The following NEK7 variants were observed in gnomAD, a reference collection of about 807,000 sequenced individuals.
The protein encoded by NEK7 is NIMA related kinase 7.
A neutral mutation model predicts 44.6 loss-of-function variants in NEK7; 18 were observed. That is an observed-to-expected ratio of 0.40 (90% CI 0.28 to 0.60). The LOEUF is 0.60. NEK7 is among the 20% of genes least tolerant of loss of function. The pLI, the probability that NEK7 is intolerant of heterozygous loss-of-function variation, is 0.38. For synonymous variants in NEK7, 130 were observed against 121.1 expected, an observed-to-expected ratio of 1.07 and a Z score of -0.48; for missense variants, 256 against 366.5, an observed-to-expected ratio of 0.70 and a Z score of 2.46.
At chr1:198,218,927 T>C (rs534299851) in intron 1 of NEK7, among the ~76,000 whole-genome samples, 119 of 152,030 alleles carry the variant, frequency 7.8e-4, no homozygotes, top group Non-Finnish European at 1.5e-3. Context: ...GGCATGGATA[T>C]GGTGAAAAAG....
At chr1:198,281,328 G>A (rs541242462) in intron 7 of NEK7, among the ~76,000 whole-genome samples, 54 of 152,136 alleles carry the variant, frequency 3.5e-4, no homozygotes, top group African/African-American at 1.2e-3. Context: ...AATTGAAAAC[G>A]TGGTGACCTA....
At chr1:198,159,302 AAAGGAAGG>A (rs575843937) in intron 1 of NEK7, among the ~76,000 whole-genome samples, 22 of 152,006 alleles carry the variant, frequency 1.4e-4, no homozygotes, top group African/African-American at 4.8e-4. Context: ...AGAAAGAAAG[AAAGGAAGG>A]AAGGAAGGAA....
chr1:198,256,199 T>C, intron 3 of NEK7: 1 of 1,108,596 alleles, frequency 9.0e-7, no homozygotes, highest in Non-Finnish European at 1.2e-6. Flanking sequence ...TACAAATTTT[T>C]AATGAGATAC....
intron 3 of NEK7, chr1:198,256,319 T>G (rs753113327): frequency 1.9e-6 from 3 of 1,598,618 alleles, no homozygotes; most frequent in Non-Finnish European, 2.6e-6. Context: ...TCTGGCCATT[T>G]TCCTGCAGGT....
intron 1 of NEK7, among the ~76,000 whole-genome samples, chr1:198,162,084 C>G (rs1266269884): frequency 6.6e-6 from 1 of 152,084 alleles, no homozygotes; most frequent in African/African-American, 2.4e-5. Flanking sequence ...TATGTTTGGC[C>G]TGGGGTAGAG....
intron 2 of NEK7, among the ~76,000 whole-genome samples, chr1:198,246,555 C>T (rs575014999): frequency 2.6e-5 from 4 of 152,376 alleles, no homozygotes; most frequent in Middle Eastern, 3.4e-3. Context: ...GCCACTCTGG[C>T]GGCCAAGCAC....
chr1:198,302,445 A>G (rs58783316), intron 9 of NEK7, among the ~76,000 whole-genome samples: 5,230 of 150,798 alleles, frequency 0.035, 172 homozygotes, highest in East Asian at 0.19. Context: ...GTGCAGCCTG[A>G]TAATATCTTT....
intron 3 of NEK7, chr1:198,256,529 G>A (rs763435687): frequency 3.3e-6 from 5 of 1,501,978 alleles, no homozygotes; most frequent in Non-Finnish European, 4.4e-6. Flanking sequence ...GAAATTCTCT[G>A]TACCAACTTT....
rs375499649 is a variant in NEK7, at chr1:198,166,552, G to T, written c.-29+9276G>T. Reference sequence around the variant, plus strand: ...TCGAACACTTGAAGGCCATTGTAGGGTTATTAATTGGCTTAATTTTCATTA... The same window carrying T: ...TCGAACACTTGAAGGCCATTGTAGGTTTATTAATTGGCTTAATTTTCATTA... On this transcript the variant is annotated intron_variant, in intron 1 of 9. Coordinates refer to ENST00000367385, the MANE Select transcript of NEK7 (RefSeq NM_133494.3). 3.2e-4 allele frequency among the ~76,000 whole-genome samples: 48 copies of T among 152,264 alleles called. No individual in the cohort carries two copies. The South Asian group carries it at 9.5e-3, about 30-fold the overall frequency.
chr1:198,247,949 G>T (rs1666882826), intron 2 of NEK7, among the ~76,000 whole-genome samples: 1 of 152,176 alleles, frequency 6.6e-6, no homozygotes, highest in Non-Finnish European at 1.5e-5. Flanking sequence ...AGTTTAAGCT[G>T]AATGTAATGT....
chr1:198,184,660 T>C (rs1419905458), intron 1 of NEK7, among the ~76,000 whole-genome samples: 1 of 152,050 alleles, frequency 6.6e-6, no homozygotes, highest in Non-Finnish European at 1.5e-5. Context: ...TTACTTCCAT[T>C]AATGAAATCA....
chr1:198,168,880 TG>T (rs1392018014), intron 1 of NEK7, among the ~76,000 whole-genome samples: 1 of 152,074 alleles, frequency 6.6e-6, no homozygotes, highest in Non-Finnish European at 1.5e-5. Flanking sequence ...ATGTAATGGC[TG>T]GAATAAAGTA....
intron 1 of NEK7, among the ~76,000 whole-genome samples, chr1:198,168,670 T>A (rs1664339808): frequency 6.6e-6 from 1 of 152,200 alleles, no homozygotes; most frequent in East Asian, 1.9e-4. Context: ...GTGATTACAT[T>A]CCCTTTATAG....
intron 1 of NEK7, among the ~76,000 whole-genome samples, chr1:198,170,142 G>C (rs1029587273): frequency 6.6e-6 from 1 of 152,220 alleles, no homozygotes; most frequent in Non-Finnish European, 1.5e-5. Context: ...AATGGTCACT[G>C]TCAGGATATT....
At chr1:198,282,906 A>G (rs1654251398) in intron 7 of NEK7, among the ~76,000 whole-genome samples, 2 of 152,152 alleles carry the variant, frequency 1.3e-5, no homozygotes, top group Non-Finnish European at 2.9e-5. Context: ...GAAATAGATA[A>G]TAAAGCAAAC....
chr1:198,318,938 C>A (rs1290595571), intron 9 of NEK7, among the ~76,000 whole-genome samples: 1 of 151,832 alleles, frequency 6.6e-6, no homozygotes. Context: ...CAAAATTTAA[C>A]ATAAAACTTT....
chr1:198,190,114 A>G (rs1665031077), intron 1 of NEK7, among the ~76,000 whole-genome samples: 1 of 152,142 alleles, frequency 6.6e-6, no homozygotes, highest in Non-Finnish European at 1.5e-5. Context: ...TTACTGCCAC[A>G]TTAAGTTTTC....
Position 198,163,696 on chromosome 1 carries a change from C to T in NEK7, c.-29+6420C>T, listed in dbSNP as rs79791210. Among the ~76,000 whole-genome samples the T allele has an allele frequency of 3.4e-3, 520 of 151,950 alleles. 9 individuals are homozygous for T. Among genetic ancestry groups the T allele is most frequent in the East Asian group, 7.7e-3 (40 of 5,174 alleles). On this transcript the variant is annotated intron_variant, in intron 1 of 9. Coordinates refer to ENST00000367385, the MANE Select transcript of NEK7 (RefSeq NM_133494.3). ...CTGGGGGGAGGATTGGTTTATGGAA[C>T]GAATTATTTCTTATTTTTCATGGCA...
chr1:198,237,699 C>A (rs747065752), intron 2 of NEK7, among the ~76,000 whole-genome samples: 2 of 152,162 alleles, frequency 1.3e-5, no homozygotes, highest in Non-Finnish European at 2.9e-5. Flanking sequence ...TCGCTCCTTT[C>A]CCCTTTAATC....
Sources: gnomAD v4.1 joint callset for allele counts (sites outside exome capture counted in the v4.1 genomes callset) on GRCh38, gnomAD v4.1.1 for gene constraint, MANE v1.5 for transcripts, NCBI Gene and HGNC (gene_info 2026-07-23, HGNC 2026-07-21) for gene names.